Variants in CHI3L2 observed in about 807,000 individuals in gnomAD.
CHI3L2 encodes the protein chitinase 3 like 2.
In CHI3L2, 47 loss-of-function variants were observed where a neutral mutation model predicts 47.3. That is an observed-to-expected ratio of 0.99 (90% CI 0.79 to 1.27). The LOEUF (loss-of-function observed/expected upper bound fraction) is 1.27. Among genes scored for constraint, CHI3L2 ranks in the 50% most tolerant of loss-of-function variants. The pLI, the probability that CHI3L2 is intolerant of heterozygous loss-of-function variation, is 0.00. For missense variants in CHI3L2, 497 were observed against 462.1 expected (o/e 1.08, Z -0.69); for synonymous variants, 198 against 169.9 (o/e 1.17, Z -1.28).
rs1659871936 is a variant in CHI3L2 at position 111,235,900 on chromosome 1, G to A, written c.606-124G>A. 2.6e-6 allele frequency: 4 copies of A among 1,537,328 alleles called. No individual in the cohort carries two copies. The Admixed American group carries it at 7.2e-5, about 28-fold the overall frequency. On this transcript the variant is annotated intron_variant, in intron 6 of 10. Coordinates refer to ENST00000369748, the MANE Select transcript of CHI3L2 (RefSeq NM_004000.3). Reference sequence around the variant, plus strand: ...TCCTAACCCTGCATCATTCAGCCAGGAACAACTTCTTTACAGAGACTTTCA... The same window carrying A: ...TCCTAACCCTGCATCATTCAGCCAGAAACAACTTCTTTACAGAGACTTTCA...
At position 111,230,913 on chromosome 1, in the gene CHI3L2, T is replaced by C. The variant is rs776855926; in HGVS notation, c.242T>C (p.Leu81Pro). Residue 81 changes from leucine (L) to proline (P), a missense_variant, in exon 3 of 11, where the codon CTC becomes CCC. Physicochemically the swap from Leu to Pro is moderately conservative, Grantham distance 98. Coordinates refer to ENST00000369748, the MANE Select transcript of CHI3L2 (RefSeq NM_004000.3). ...ATCAAGGACAAGAGTGAAGTGATGCTCTACCAGACCATCAACAGTCTCAAA... is the reference window on the plus strand; with the variant it reads ...ATCAAGGACAAGAGTGAAGTGATGCCCTACCAGACCATCAACAGTCTCAAA... Reference protein sequence around the residue: ...VIIKDKSEVMLYQTINSLKTK... With the variant: ...VIIKDKSEVMPYQTINSLKTK... 48 of 1,614,134 alleles carry C rather than the reference T, an allele frequency of 3.0e-5. No individual in the cohort carries two copies. The highest frequency in any genetic ancestry group is 4.0e-5 in the Non-Finnish European group (47 of 1,180,006).
rs1051819147 is a variant in CHI3L2, at chr1:111,231,261, T to G, written c.296T>G (p.Leu99Trp). ...AGGAATCCCAAACTGAAAATTCTCTTGTCCATTGGAGGGTACCTGTTTGGT... is the reference window on the plus strand; with the variant it reads ...AGGAATCCCAAACTGAAAATTCTCTGGTCCATTGGAGGGTACCTGTTTGGT... ...KTKNPKLKIL[L>W]SIGGYLFGSK... The change falls in exon 4 of 11, where the codon TTG becomes TGG. Residue 99 changes from leucine (L) to tryptophan (W), a missense_variant. Transcript: ENST00000369748. 4.3e-5 allele frequency: 70 copies of G among 1,611,702 alleles called. No individual in the cohort carries two copies. Among genetic ancestry groups the G allele is most frequent in the Non-Finnish European group, 5.9e-5 (70 of 1,178,048 alleles).
At chr1:111,228,207 C>G (rs1308180862) in intron 1 of CHI3L2, among the ~76,000 whole-genome samples, 1 of 152,098 alleles carries the variant, frequency 6.6e-6, no homozygotes, top group African/African-American at 2.4e-5. Flanking sequence ...TTAAACTCTC[C>G]CTTTCAACTC....
At chr1:111,231,833 A>ACC (rs1277963316) in intron 4 of CHI3L2, among the ~76,000 whole-genome samples, 1 of 152,244 alleles carries the variant, frequency 6.6e-6, no homozygotes, top group Non-Finnish European at 1.5e-5. Flanking sequence ...ATAGCTATTG[A>ACC]TACAAAGCAC....
chr1:111,242,515 G>T, intron 10 of CHI3L2, 149 bp downstream of exon 10: 1 of 727,344 alleles, frequency 1.4e-6, no homozygotes, highest in South Asian at 3.4e-5. Context: ...AATTAGGCTG[G>T]TTCTGCCCTT....
chr1:111,231,408 C>T (rs979992851), intron 4 of CHI3L2, 114 bp downstream of exon 4: 1 of 777,600 alleles, frequency 1.3e-6, no homozygotes, highest in Non-Finnish European at 2.1e-6. Context: ...TTTCCCTTGG[C>T]CAGGTGGCAA....
rs749499176 is a variant in CHI3L2, at chr1:111,230,732, T to G, written c.71-10T>G. ...CTAGAGTCTCACTGGCTCTCTTCAC[T>G]CTACTCCAGGATCTGCCTACAAACT... On this transcript the variant is annotated splice_polypyrimidine_tract_variant and intron_variant, in intron 2 of 10. Transcript: ENST00000369748. 38 of 1,613,212 alleles carry G rather than the reference T, an allele frequency of 2.4e-5. No individual in the cohort carries two copies. In the East Asian group the frequency reaches 2.9e-4, roughly 12 times the overall value.
intron 8 of CHI3L2, among the ~76,000 whole-genome samples, chr1:111,241,008 A>AATT (rs1385875923): frequency 6.6e-6 from 1 of 152,228 alleles, no homozygotes; most frequent in Non-Finnish European, 1.5e-5. Flanking sequence ...GCATTATTAT[A>AATT]ATTATTTCCA....
chr1:111,241,288 A>T (rs2101557875), intron 8 of CHI3L2, 39 bp from the exon 9 acceptor site: 1 of 1,109,094 alleles, frequency 9.0e-7, no homozygotes, highest in Admixed American at 1.7e-5. Flanking sequence ...TTCAAGAATA[A>T]CCCATTACTG....
rs1659568268 is a variant in CHI3L2, at chr1:111,227,777, T to G, written c.40+8T>G. ...AGAAGTCTCTCTGGGCAGGTGAGCA[T>G]GGGGTTGATAATTCAGCAGGAAATT... On this transcript the variant is annotated splice_region_variant and intron_variant, in intron 1 of 10. Transcript: ENST00000369748. The G allele has an allele frequency of 6.2e-7, 1 of 1,613,852 alleles. No homozygotes were observed.
chr1:111,233,898 C>T (rs1365069619), intron 4 of CHI3L2, among the ~76,000 whole-genome samples: 1 of 152,134 alleles, frequency 6.6e-6, no homozygotes, highest in Non-Finnish European at 1.5e-5. Flanking sequence ...TTGCCCCCAA[C>T]CCTGTGCTCT....
In CHI3L2 at chr1:111,236,100, A is replaced by T; in HGVS notation, c.682A>T (p.Ser228Cys). ...WEKPLITGHN[S>C]PLSKGWQDRG... ...AAAGCCCCTTATCACTGGCCACAAC[A>T]GCCCTCTGAGCAAGGGGTGGCAGGA... The change falls in exon 7 of 11, where the codon AGC (serine) becomes TGC (cysteine). Residue 228 changes from serine (S) to cysteine (C), a missense_variant. Coordinates refer to ENST00000369748, the MANE Select transcript of CHI3L2 (RefSeq NM_004000.3). 3.7e-6 allele frequency: 6 copies of T among 1,614,222 alleles called. No homozygotes were observed. Among genetic ancestry groups the T allele is most frequent in the Non-Finnish European group, 5.1e-6 (6 of 1,180,032 alleles).
At chr1:111,240,245 G>A (rs375957847) in intron 8 of CHI3L2, among the ~76,000 whole-genome samples, 1 of 152,164 alleles carries the variant, frequency 6.6e-6, no homozygotes, top group East Asian at 1.9e-4. Context: ...ACCCACCAAG[G>A]TACCCATTCA....
chr1:111,241,730 G>A (rs981406847), intron 9 of CHI3L2, among the ~76,000 whole-genome samples: 1 of 152,118 alleles, frequency 6.6e-6, no homozygotes, highest in African/African-American at 2.4e-5. Flanking sequence ...AAGGGAGAGG[G>A]AATAAAGGAG....
rs1483337490 is a variant in CHI3L2, at chr1:111,235,705, G to A, written c.547G>A (p.Gly183Ser). The change falls in exon 6 of 11, where the codon GGC becomes AGC. Residue 183 changes from glycine to serine, a missense_variant. Transcript: ENST00000369748. ...STKERLLLTA[G>S]VSAGRQMIDN... ...CAAGGAAAGGCTTCTCTTGACTGCG[G>A]GCGTATCTGCAGGGAGGCAAATGAT... 6.2e-7 allele frequency: 1 copy of A among 1,614,206 alleles called. No individual in the cohort carries two copies. The highest frequency in any genetic ancestry group is 1.1e-5 in the South Asian group (1 of 91,082).
At chr1:111,229,958 C>T (rs1039642291) in intron 2 of CHI3L2, 77 bp downstream of exon 2, 2 of 1,505,778 alleles carry the variant, frequency 1.3e-6, no homozygotes, top group Non-Finnish European at 1.8e-6. Context: ...GTTTCTTTTT[C>T]TGCTACATGC....
chr1:111,232,495 A>G (rs1307891640), intron 4 of CHI3L2, among the ~76,000 whole-genome samples: 1 of 152,188 alleles, frequency 6.6e-6, no homozygotes, highest in Admixed American at 6.5e-5. Context: ...ACTTTTGTCA[A>G]GTTCTTTATG....
chr1:111,236,126 C>G lies in CHI3L2; in HGVS notation c.708C>G (p.Asp236Glu). 6.2e-7 allele frequency: 1 copy of G among 1,614,206 alleles called. No homozygotes were observed. Among genetic ancestry groups the G allele is most frequent in the Non-Finnish European group, 8.5e-7 (1 of 1,180,032 alleles). The change falls in exon 7 of 11, where the codon GAC becomes GAG. Residue 236 changes from aspartate (D) to glutamate (E), a missense_variant. Physicochemically the swap from Asp to Glu is conservative, Grantham distance 45. Transcript: ENST00000369748. Reference sequence around the variant, plus strand: ...GCCCTCTGAGCAAGGGGTGGCAGGACAGAGGGCCAAGCTCCTACTACAATG... The same window carrying G: ...GCCCTCTGAGCAAGGGGTGGCAGGAGAGAGGGCCAAGCTCCTACTACAATG... ...HNSPLSKGWQ[D>E]RGPSSYYNVE...
intron 4 of CHI3L2, among the ~76,000 whole-genome samples, chr1:111,232,871 A>T (rs1233564150): frequency 2.0e-5 from 3 of 152,214 alleles, no homozygotes; most frequent in African/African-American, 7.2e-5. Context: ...GCAAGAGAAA[A>T]GCTAGAAAAC....
Sources: gnomAD v4.1 joint callset for allele counts (sites outside exome capture counted in the v4.1 genomes callset) on GRCh38, gnomAD v4.1.1 for gene constraint, MANE v1.5 for transcripts, NCBI Gene and HGNC (gene_info 2026-07-23, HGNC 2026-07-21) for gene names.